TANC2: variants seen among roughly 807,000 people sequenced by gnomAD.
The protein encoded by TANC2 is tetratricopeptide repeat, ankyrin repeat and coiled-coil containing 2.
Under a neutral mutation model 210.5 loss-of-function variants are expected in TANC2, and 26 were observed. The observed-to-expected ratio is 0.12, with a 90% CI of 0.09 to 0.17. TANC2 has a LOEUF of 0.17. Ranked by LOEUF, TANC2 falls within the 10% of genes least tolerant of loss-of-function variation. TANC2 has a pLI of 1.00. For synonymous variants in TANC2, 931 were observed against 967.1 expected, an observed-to-expected ratio of 0.96 and a Z score of 0.69; for missense variants, 2,129 against 2,608.9, an observed-to-expected ratio of 0.82 and a Z score of 4.01.
intron 12 of TANC2, among the ~76,000 whole-genome samples, chr17:63,351,018 G>A (rs925920080): frequency 1.3e-5 from 2 of 152,006 alleles, no homozygotes; most frequent in African/African-American, 4.8e-5. Context: ...TGAAAATGAT[G>A]ATATATATAC....
At chr17:63,186,001 C>T (rs1307618272) in intron 5 of TANC2, among the ~76,000 whole-genome samples, 1 of 152,166 alleles carries the variant, frequency 6.6e-6, no homozygotes, top group African/African-American at 2.4e-5. Flanking sequence ...AGTTCTAGGT[C>T]ATAAAGTTAC....
chr17:63,263,837 C>A (rs1337918169), intron 8 of TANC2, among the ~76,000 whole-genome samples: 1 of 152,178 alleles, frequency 6.6e-6, no homozygotes, highest in African/African-American at 2.4e-5. Flanking sequence ...AAGACATAGT[C>A]CCTGCTCGTG....
At chr17:63,352,697 A>C (rs1427393163) in intron 13 of TANC2, among the ~76,000 whole-genome samples, 1 of 152,190 alleles carries the variant, frequency 6.6e-6, no homozygotes, top group African/African-American at 2.4e-5. Flanking sequence ...CAACAGAAAA[A>C]GTACTTCAAC....
At chr17:63,109,031 G>GA (rs1193391123) in intron 4 of TANC2, among the ~76,000 whole-genome samples, 1 of 150,632 alleles carries the variant, frequency 6.6e-6, no homozygotes, top group South Asian at 2.1e-4. Flanking sequence ...AACCAAAATT[G>GA]AAAAAAAAGT....
chr17:63,226,149 C>A (rs867439932), intron 7 of TANC2, among the ~76,000 whole-genome samples: 1 of 152,006 alleles, frequency 6.6e-6, no homozygotes, highest in African/African-American at 2.4e-5. Flanking sequence ...ATTGATTTCT[C>A]CTGTTTTTGC....
intron 2 of TANC2, among the ~76,000 whole-genome samples, chr17:63,042,447 C>T (rs2035224808): frequency 1.3e-5 from 2 of 152,034 alleles, no homozygotes; most frequent in Admixed American, 6.6e-5. Flanking sequence ...GCAAGTGTTA[C>T]AAGCTGAAAA....
At chr17:63,233,358 G>T (rs2042533687) in intron 7 of TANC2, among the ~76,000 whole-genome samples, 1 of 152,174 alleles carries the variant, frequency 6.6e-6, no homozygotes, top group South Asian at 2.1e-4. Context: ...GGGCCCACGA[G>T]GGGGATCTCC....
At chr17:63,042,280 A>G (rs544465410) in intron 2 of TANC2, among the ~76,000 whole-genome samples, 8 of 152,222 alleles carry the variant, frequency 5.3e-5, no homozygotes, top group African/African-American at 1.9e-4. Flanking sequence ...AATGAATAAT[A>G]TTGAAAGGAA....
intron 11 of TANC2, among the ~76,000 whole-genome samples, chr17:63,326,736 A>G (rs1170729839): frequency 6.6e-6 from 1 of 151,990 alleles, no homozygotes; most frequent in Admixed American, 6.6e-5. Flanking sequence ...AAAAACAACA[A>G]CAACAACAAC....
Position 62,997,808 on chromosome 17 carries a change from C to T in TANC2, c.-23-11729C>T, listed in dbSNP as rs533572031. On this transcript the variant is annotated intron_variant, in intron 1 of 27. Transcript: ENST00000689528. ...AGAAACTTGTTTCTCAGACTGGAAA[C>T]CAGGTCAAAAATAAGAATAAGCCAA... Among the ~76,000 whole-genome samples the T allele has an allele frequency of 2.6e-5, 4 of 151,864 alleles. No individual in the cohort carries two copies. In the South Asian group the frequency reaches 8.3e-4, roughly 32 times the overall value.
intron 9 of TANC2, among the ~76,000 whole-genome samples, chr17:63,307,435 G>A (rs751450577): frequency 1.8e-4 from 28 of 151,982 alleles, no homozygotes; most frequent in African/African-American, 2.7e-4. Context: ...TCCTTCCCCC[G>A]ATGTAATCTA....
In TANC2 at chr17:62,966,640, C is replaced by A. The variant is rs866133880; in HGVS notation, c.-133C>A. Among the ~76,000 whole-genome samples, 4 of 151,838 alleles carry A rather than the reference C, an allele frequency of 2.6e-5. No homozygotes were observed. The highest frequency in any genetic ancestry group is 4.4e-5 in the Non-Finnish European group (3 of 67,914). On this transcript the variant is annotated 5_prime_UTR_variant, in exon 1 of 28. Coordinates refer to ENST00000689528, the Ensembl canonical transcript of TANC2. This position sits in a 1 kb window ranked among gnomAD's most constrained non-coding sequence, Gnocchi z 5.1. ...CTCGCCGCGGGGCGTTGGAGGACTG[C>A]GAGGTGCTCCGGGAATCGCGGGCGG...
intron 11 of TANC2, among the ~76,000 whole-genome samples, chr17:63,325,725 G>T (rs1383960082): frequency 2.0e-5 from 3 of 152,186 alleles, no homozygotes; most frequent in Admixed American, 2.0e-4. Context: ...AAATCTTGGA[G>T]TATTCAGCTG....
At chr17:63,141,282 C>T (rs2039279073) in intron 4 of TANC2, among the ~76,000 whole-genome samples, 1 of 144,708 alleles carries the variant, frequency 6.9e-6, no homozygotes, top group Non-Finnish European at 1.5e-5. Context: ...TGGCTCATGC[C>T]TGTAATCCCA....
At chr17:63,299,855 C>T (rs1266858775) in intron 9 of TANC2, among the ~76,000 whole-genome samples, 3 of 152,092 alleles carry the variant, frequency 2.0e-5, no homozygotes, top group Non-Finnish European at 4.4e-5. Flanking sequence ...GAAGTCTTTG[C>T]CCATGCCTAT....
At position 63,217,912 on chromosome 17, in the gene TANC2, C is replaced by A. The variant is rs530973129; in HGVS notation, c.769+16955C>A. On this transcript the variant is annotated intron_variant, in intron 7 of 27. Coordinates refer to ENST00000689528, the Ensembl canonical transcript of TANC2. Reference sequence around the variant, plus strand: ...CAGGAATTGAGGTTGTTTCTACATTCACGAATCAATCAGTGTAGTTAATCA... The same window carrying A: ...CAGGAATTGAGGTTGTTTCTACATTAACGAATCAATCAGTGTAGTTAATCA... Among the ~76,000 whole-genome samples the A allele has an allele frequency of 3.9e-5, 6 of 152,106 alleles. No individual in the cohort carries two copies. The South Asian group carries it at 1.2e-3, about 32-fold the overall frequency.
At chr17:63,163,406 G>A (rs1197079183) in intron 5 of TANC2, among the ~76,000 whole-genome samples, 4 of 152,078 alleles carry the variant, frequency 2.6e-5, no homozygotes, top group African/African-American at 9.7e-5. Context: ...TAATACTGTT[G>A]GAGAGTATGA....
chr17:63,062,410 ACT>A (rs1165835976), intron 2 of TANC2, among the ~76,000 whole-genome samples: 1 of 151,712 alleles, frequency 6.6e-6, no homozygotes, highest in Non-Finnish European at 1.5e-5. Context: ...CACTTCTAGG[ACT>A]TTCTTTTTAG....
intron 2 of TANC2, among the ~76,000 whole-genome samples, chr17:63,060,668 A>G (rs1015108607): frequency 6.6e-6 from 1 of 152,160 alleles, no homozygotes; most frequent in African/African-American, 2.4e-5. Flanking sequence ...AAACAACTGC[A>G]TATTTAATCT....
Sources: allele counts gnomAD v4.1 joint callset (sites outside exome capture counted in the v4.1 genomes callset), GRCh38; gene constraint gnomAD v4.1.1; non-coding constraint Gnocchi (gnomAD v3.1); transcripts MANE v1.5; gene names NCBI Gene and HGNC (gene_info 2026-07-23, HGNC 2026-07-21).